Variants in LGMN observed in about 807,000 individuals in gnomAD.
The protein encoded by LGMN is asparaginyl endopeptidase.
A neutral mutation model predicts 56.8 loss-of-function variants in LGMN; 36 were observed. The observed-to-expected ratio is 0.63, with a 90% CI of 0.49 to 0.84. The LOEUF is 0.84. Among genes scored for constraint, LGMN ranks in the 40% least tolerant of loss-of-function variants. The pLI is 0.00. For missense variants in LGMN, 446 were observed against 556.1 expected, an observed-to-expected ratio of 0.80 and a Z score of 1.99; for synonymous variants, 199 against 210.1, an observed-to-expected ratio of 0.95 and a Z score of 0.46.
chr14:92,717,539 G>A (rs1312379311), intron 3 of LGMN, 78 bp from the exon 4 acceptor site: 2 of 1,072,478 alleles, frequency 1.9e-6, no homozygotes, highest in African/African-American at 1.6e-5. Flanking sequence ...TGTATGTTAT[G>A]CGAAAAAATA....
chr14:92,706,638 C>CA lies in LGMN; in HGVS notation c.1035dup (p.Glu346Ter). 1 of 1,585,962 alleles carries CA rather than the reference C, an allele frequency of 6.3e-7. No individual in the cohort carries two copies. Among genetic ancestry groups the CA allele is most frequent in the Non-Finnish European group, 8.6e-7 (1 of 1,157,932 alleles). ...GAGACGATCTTACGCACTGACTTCT[C>CA]AATGAGGTGCCTGGCCTGGGGAGAA... On this transcript the variant is annotated frameshift_variant, in exon 12 of 14. Transcript: ENST00000334869. LOFTEE classifies it high-confidence loss of function.
chr14:92,716,024 G>A, intron 5 of LGMN, 112 bp downstream of exon 5: 1 of 713,284 alleles, frequency 1.4e-6, no homozygotes, highest in Non-Finnish European at 2.4e-6. Context: ...TCTCCACTCT[G>A]TAATTTCTCA....
rs76749054 is a variant in LGMN, at chr14:92,748,420, G to A, written c.-30+69C>T. On this transcript the variant is annotated intron_variant, in intron 1 of 13. Coordinates refer to ENST00000334869, the MANE Select transcript of LGMN (RefSeq NM_005606.7). ...CAGCCCTGAGGTCGAGAGCCTGAGA[G>A]AGCAGACGGGAGGCCCTGGCCTCGG... The A allele has an allele frequency of 4.5e-3, 683 of 153,302 alleles. 2 individuals carry two copies. The highest frequency in any genetic ancestry group is 0.017 in the Middle Eastern group (5 of 300). 9.5% of individuals were successfully genotyped at this position (153,302 alleles called of 1,614,324 possible). A position where few individuals can be genotyped will look rare whatever the true frequency, so the allele number is the denominator to read the frequency against.
At chr14:92,724,717 G>A (rs569879199) in intron 2 of LGMN, among the ~76,000 whole-genome samples, 3 of 152,312 alleles carry the variant, frequency 2.0e-5, no homozygotes, top group East Asian at 1.9e-4. Context: ...TGGGAGTTCC[G>A]CTGGTCTTCC....
chr14:92,710,885 C>T (rs1243314013), intron 10 of LGMN, among the ~76,000 whole-genome samples: 1 of 152,220 alleles, frequency 6.6e-6, no homozygotes, highest in Non-Finnish European at 1.5e-5. Context: ...TCTCATGTCC[C>T]CCATCCCATG....
intron 10 of LGMN, 129 bp from the exon 11 acceptor site, chr14:92,710,001 A>G: frequency 1.5e-6 from 1 of 666,872 alleles, no homozygotes; most frequent in South Asian, 2.1e-5. Context: ...CCCCAAGTCC[A>G]GCCTCTCCCT....
intron 1 of LGMN, among the ~76,000 whole-genome samples, chr14:92,738,419 C>T (rs959320069): frequency 6.6e-6 from 1 of 151,788 alleles, no homozygotes; most frequent in East Asian, 2.0e-4. Context: ...GCTGGGACTA[C>T]AGGCGCCACC....
chr14:92,706,082 A>G lies in LGMN; in HGVS notation c.1191+401T>C, dbSNP rs12434931. ...AATTCTACATCTGCAGAAACTCAGT[A>G]CTTCTCCATGGGCCACACCTGACTT... On this transcript the variant is annotated intron_variant, in intron 12 of 13. Transcript: ENST00000334869. 3.4e-3 allele frequency among the ~76,000 whole-genome samples: 523 copies of G among 152,280 alleles called. 4 individuals are homozygous for G. Among genetic ancestry groups the G allele is most frequent in the African/African-American group, 0.012 (495 of 41,562 alleles).
rs2140215552 is a variant in LGMN at position 92,712,607 on chromosome 14, A to G, written c.610+198T>C. 1.7e-5 allele frequency: 10 copies of G among 591,308 alleles called. 1 individual carries two copies. The South Asian group carries it at 1.9e-4, about 11-fold the overall frequency. The allele number at this position is 591,308 out of a possible 1,614,324, so 36.6% of individuals were successfully genotyped here. A position where few individuals can be genotyped will look rare whatever the true frequency, so the allele number is the denominator to read the frequency against. Reference sequence around the variant, plus strand: ...CCTGGAAGAGCACTGTGAGGCTCACATACAGATTCTTTATTCCCTGACTAC... The same window carrying G: ...CCTGGAAGAGCACTGTGAGGCTCACGTACAGATTCTTTATTCCCTGACTAC... On this transcript the variant is annotated intron_variant, in intron 8 of 13. Transcript: ENST00000334869.
In LGMN at chr14:92,714,361, G is replaced by T; in HGVS notation, c.480+15C>A. ...TGTTCTGCTAGTTTGTCCTTAAAAC[G>T]TTAAGAAAACTCACATCTTCATTGG... On this transcript the variant is annotated intron_variant, in intron 6 of 13. Transcript: ENST00000334869. The surrounding 1 kb of genome is among the most constrained non-coding windows in gnomAD (Gnocchi z 5.1). 6.4e-7 allele frequency: 1 copy of T among 1,562,946 alleles called. No homozygotes were observed. Among genetic ancestry groups the T allele is most frequent in the Non-Finnish European group, 8.8e-7 (1 of 1,134,050 alleles).
At chr14:92,712,635 G>A (rs778849953) in intron 8 of LGMN, 170 bp downstream of exon 8, 25 of 623,862 alleles carry the variant, frequency 4.0e-5, no homozygotes, top group Middle Eastern at 5.2e-4. Context: ...CTGACTACCA[G>A]TGCTTCAGAA....
intron 4 of LGMN, among the ~76,000 whole-genome samples, chr14:92,716,550 T>C (rs575966724): frequency 1.3e-5 from 2 of 152,238 alleles, no homozygotes; most frequent in East Asian, 1.9e-4. Flanking sequence ...GGAGAATCAC[T>C]TGAACCCGGG....
At chr14:92,740,785 C>G (rs1314922469) in intron 1 of LGMN, among the ~76,000 whole-genome samples, 1 of 152,184 alleles carries the variant, frequency 6.6e-6, no homozygotes, top group African/African-American at 2.4e-5. Flanking sequence ...AATGAACAAG[C>G]CTTTACAGAC....
chr14:92,724,107 T>TA (rs906345858), intron 2 of LGMN, among the ~76,000 whole-genome samples: 7 of 152,226 alleles, frequency 4.6e-5, no homozygotes, highest in Non-Finnish European at 1.0e-4. Context: ...GTAAATTTAC[T>TA]AAAAAATCAT....
intron 12 of LGMN, among the ~76,000 whole-genome samples, chr14:92,705,766 T>C (rs1024398662): frequency 6.6e-6 from 1 of 152,040 alleles, no homozygotes; most frequent in African/African-American, 2.4e-5. Context: ...TAGTTGGGAT[T>C]ACGGGCGTGC....
rs1891913707 is a variant in LGMN at position 92,748,517 on chromosome 14, TGGC to T, written c.-61_-59del. ...TGGCAGGCGACCGTGGTGGCAGTGG[TGGC>T]GGCGGCGGCGGTGAGTGACCGCGGT... On this transcript the variant is annotated 5_prime_UTR_variant, in exon 1 of 14. Coordinates refer to ENST00000334869, the MANE Select transcript of LGMN (RefSeq NM_005606.7). The T allele has an allele frequency of 2.6e-5, 4 of 156,220 alleles. No individual in the cohort carries two copies. The highest frequency in any genetic ancestry group is 4.3e-5 in the Non-Finnish European group (3 of 70,426). 9.7% of individuals were successfully genotyped at this position (156,220 alleles called of 1,614,324 possible).
rs146227960 is a variant in LGMN at position 92,711,290 on chromosome 14, G to A, written c.819+369C>T. 2.4e-3 allele frequency among the ~76,000 whole-genome samples: 365 copies of A among 152,310 alleles called. 3 individuals carry two copies. Among genetic ancestry groups the A allele is most frequent in the African/African-American group, 8.3e-3 (344 of 41,550 alleles). ...GTGGCTGTGGGACAATCTACAAACC[G>A]TAAAGCAGCAGCTTTTGAGTCAGTG... On this transcript the variant is annotated intron_variant, in intron 10 of 13. Coordinates refer to ENST00000334869, the MANE Select transcript of LGMN (RefSeq NM_005606.7).
chr14:92,712,727 A>G (rs1889846873), intron 8 of LGMN, 78 bp downstream of exon 8: 2 of 1,365,584 alleles, frequency 1.5e-6, no homozygotes, highest in African/African-American at 2.9e-5. Context: ...GCTTACGGAG[A>G]ATGCTCAGTT....
intron 1 of LGMN, among the ~76,000 whole-genome samples, chr14:92,746,102 C>T (rs1437128643): frequency 6.6e-6 from 1 of 152,020 alleles, no homozygotes; most frequent in Non-Finnish European, 1.5e-5. Context: ...ATTACAGGCA[C>T]GAGCCACCGC....
Sources: gnomAD v4.1 joint callset for allele counts (sites outside exome capture counted in the v4.1 genomes callset) on GRCh38, gnomAD v4.1.1 for gene constraint, Gnocchi (gnomAD v3.1) non-coding constraint, MANE v1.5 for transcripts, NCBI Gene and HGNC (gene_info 2026-07-23, HGNC 2026-07-21) for gene names.